Variants in LRRC49 observed in about 807,000 individuals in gnomAD.
LRRC49 encodes leucine rich repeat containing 49.
LRRC49 carries 50 observed loss-of-function variants against 83.3 expected under a neutral mutation model. The ratio of observed to expected loss-of-function variants is 0.60; its 90% CI spans 0.48 to 0.76. LRRC49 has a LOEUF of 0.76. Among genes scored for constraint, LRRC49 ranks in the 30% least tolerant of loss-of-function variants. The pLI is 0.00. For missense variants in LRRC49, 704 were observed against 809.1 expected (o/e 0.87, Z 1.58); for synonymous variants, 286 against 283.3 (o/e 1.01, Z -0.10).
intron 11 of LRRC49, among the ~76,000 whole-genome samples, chr15:70,990,840 G>A (rs2037852208): frequency 6.6e-6 from 1 of 152,186 alleles, no homozygotes; most frequent in Non-Finnish European, 1.5e-5. Context: ...TCACTTCCCT[G>A]CACTATTTCT....
chr15:70,967,253 A>G (rs927470873), intron 9 of LRRC49, among the ~76,000 whole-genome samples: 2 of 152,136 alleles, frequency 1.3e-5, no homozygotes, highest in African/African-American at 4.8e-5. Flanking sequence ...GGACTAGGGC[A>G]TTTTATATCA....
chr15:70,999,316 T>C (rs770774001), intron 11 of LRRC49, among the ~76,000 whole-genome samples: 1 of 152,154 alleles, frequency 6.6e-6, no homozygotes, highest in Non-Finnish European at 1.5e-5. Context: ...GGTTTGTTGT[T>C]GCTGCTTGTT....
chr15:70,873,150 G>T (rs1160348852), exon 2 of LRRC49: 1 of 1,479,806 alleles, frequency 6.8e-7, no homozygotes, highest in South Asian at 1.2e-5. Context: ...CTCCCAAAGT[G>T]TTGGGATTAC....
At chr15:70,906,366 A>G (rs2034314806) in intron 5 of LRRC49, among the ~76,000 whole-genome samples, 1 of 152,148 alleles carries the variant, frequency 6.6e-6, no homozygotes, top group South Asian at 2.1e-4. Context: ...AAGTGCTGGG[A>G]TTACAGGCGT....
intron 15 of LRRC49, 116 bp downstream of exon 15, chr15:71,037,448 T>G (rs2039559508): frequency 1.2e-6 from 1 of 858,204 alleles, no homozygotes. Context: ...CTGGAATATT[T>G]GTCAACCTTA....
In LRRC49 at chr15:71,037,247, A is replaced by G. The variant is rs751486521; in HGVS notation, c.1772A>G (p.Asn591Ser). 1 of 1,610,730 alleles carries G rather than the reference A, an allele frequency of 6.2e-7. No individual in the cohort carries two copies. Among genetic ancestry groups the G allele is most frequent in the Non-Finnish European group, 8.5e-7 (1 of 1,177,612 alleles). The change falls in exon 15 of 16, where the codon AAT becomes AGT. Residue 591 changes from asparagine to serine, a missense_variant. Asn to Ser is a conservative substitution (Grantham distance 46, BLOSUM62 1). Transcript: ENST00000260382. ...KKPGIINEENNDSKRLVGENT... is the reference protein window; with the variant it reads ...KKPGIINEENSDSKRLVGENT... ...CCTGGTATTATCAACGAAGAAAATA[A>G]TGACAGCAAAAGACTTGTAGGAGAA...
In LRRC49 at chr15:70,854,032, G is replaced by A. The variant is rs1483761201; in HGVS notation, c.-299+563G>A. Reference sequence around the variant, plus strand: ...CGTCCTCGGCCTCCTGGATGGCGACGCGGATCTGCACCGCCGTCTTGGGCC... The same window carrying A: ...CGTCCTCGGCCTCCTGGATGGCGACACGGATCTGCACCGCCGTCTTGGGCC... On this transcript the variant is annotated intron_variant, in intron 1 of 16. Coordinates refer to the LRRC49 transcript ENST00000544974. 3 of 1,452,430 alleles carry A rather than the reference G, an allele frequency of 2.1e-6. No homozygotes were observed. In the African/African-American group the frequency reaches 4.4e-5, roughly 21 times the overall value. The allele number at this position is 1,452,430 out of a possible 1,614,324, so 90.0% of individuals were successfully genotyped here.
intron 2 of LRRC49, among the ~76,000 whole-genome samples, chr15:70,875,506 A>C (rs1025798504): frequency 6.6e-6 from 1 of 152,210 alleles, no homozygotes; most frequent in African/African-American, 2.4e-5. Flanking sequence ...GGAACGGCCC[A>C]AAAAGGCAAA....
At chr15:70,992,998 G>A (rs534025915) in intron 11 of LRRC49, among the ~76,000 whole-genome samples, 54 of 152,334 alleles carry the variant, frequency 3.5e-4, no homozygotes, top group African/African-American at 1.3e-3. Context: ...ACAGAGGCAG[G>A]CAGGCCTCCT....
chr15:70,886,559 G>A (rs1256423814), intron 2 of LRRC49, among the ~76,000 whole-genome samples: 2 of 152,104 alleles, frequency 1.3e-5, no homozygotes, highest in African/African-American at 4.8e-5. Context: ...TTTGTTCTTT[G>A]GAAAGACTAA....
At chr15:70,901,851 G>A (rs569393870) in intron 4 of LRRC49, among the ~76,000 whole-genome samples, 1 of 152,064 alleles carries the variant, frequency 6.6e-6, no homozygotes, top group South Asian at 2.1e-4. Flanking sequence ...TTTAGAACTC[G>A]ATCCCCATCT....
chr15:70,883,157 A>ATT (rs568160569), intron 2 of LRRC49, among the ~76,000 whole-genome samples: 1 of 147,366 alleles, frequency 6.8e-6, no homozygotes, highest in Non-Finnish European at 1.5e-5. Context: ...CTTACAACTA[A>ATT]TTTTTTTTTT....
intron 7 of LRRC49, among the ~76,000 whole-genome samples, chr15:70,923,553 A>T (rs2035084331): frequency 6.6e-6 from 1 of 152,096 alleles, no homozygotes; most frequent in South Asian, 2.1e-4. Flanking sequence ...ATAACAGGAC[A>T]CTAATAATAC....
intron 11 of LRRC49, among the ~76,000 whole-genome samples, chr15:70,997,674 C>T (rs1179009061): frequency 6.6e-6 from 1 of 152,166 alleles, no homozygotes; most frequent in Admixed American, 6.5e-5. Flanking sequence ...TCACTTGAAC[C>T]CAGGAGGTGG....
At chr15:70,856,923 C>T (rs949113164) in intron 1 of LRRC49, among the ~76,000 whole-genome samples, 1 of 152,176 alleles carries the variant, frequency 6.6e-6, no homozygotes, top group East Asian at 1.9e-4. Context: ...CTTATTCCTC[C>T]CCAGAGCCGT....
intron 1 of LRRC49, among the ~76,000 whole-genome samples, chr15:70,872,341 G>A (rs550629431): frequency 1.3e-5 from 2 of 152,048 alleles, no homozygotes; most frequent in Non-Finnish European, 2.9e-5. Context: ...CCGAGATTGC[G>A]GCAGCACAGT....
chr15:70,896,010 T>A, intron 3 of LRRC49, 74 bp downstream of exon 3: 1 of 852,602 alleles, frequency 1.2e-6, no homozygotes, highest in Non-Finnish European at 1.8e-6. Context: ...AATGTTGAAT[T>A]ACTAGATCCA....
intron 14 of LRRC49, among the ~76,000 whole-genome samples, chr15:71,022,640 A>T (rs929936479): frequency 1.3e-5 from 2 of 152,228 alleles, no homozygotes; most frequent in African/African-American, 4.8e-5. Context: ...CACTAGAAAA[A>T]TATAGGACAT....
At chr15:71,029,303 C>G (rs112103699) in intron 14 of LRRC49, among the ~76,000 whole-genome samples, 1,550 of 152,202 alleles carry the variant, frequency 0.01, 22 homozygotes, top group African/African-American at 0.036. Flanking sequence ...TCCATGTAGT[C>G]CCATGCAGAT....
Sources: gnomAD v4.1 joint callset for allele counts (sites outside exome capture counted in the v4.1 genomes callset) on GRCh38, gnomAD v4.1.1 for gene constraint, MANE v1.5 for transcripts, NCBI Gene and HGNC (gene_info 2026-07-23, HGNC 2026-07-21) for gene names.